Variants in SPRED1 observed in about 807,000 individuals in gnomAD.
SPRED1 encodes the protein sprouty related EVH1 domain containing 1, also known as sprouty-related, EVH1 domain-containing protein 1.
In SPRED1, 18 loss-of-function variants were observed where a neutral mutation model predicts 52.3. That is an observed-to-expected ratio of 0.34 (90% CI 0.24 to 0.51). The LOEUF (loss-of-function observed/expected upper bound fraction) is 0.51. SPRED1 is among the 20% of genes least tolerant of loss of function. The pLI is 0.97. For missense variants in SPRED1, 485 were observed against 551.0 expected, an observed-to-expected ratio of 0.88 and a Z score of 1.20; for synonymous variants, 155 against 179.7, an observed-to-expected ratio of 0.86 and a Z score of 1.10.
At chr15:38,339,918 C>A in intron 5 of SPRED1, 23 bp downstream of exon 5, 1 of 1,613,298 alleles carries the variant, frequency 6.2e-7, no homozygotes, top group Non-Finnish European at 8.5e-7. Flanking sequence ...AATATTTTTT[C>A]GGCGCGTTGT....
rs533114849 is a variant in SPRED1 at position 38,351,730 on chromosome 15, G to A, written c.*66G>A. On this transcript the variant is annotated 3_prime_UTR_variant, in exon 7 of 7. Transcript: ENST00000299084. The stretch of plus-strand genomic sequence containing the variant: ...AGGAATTAGCTAACTTGGATTTGTG[G>A]AAGCTTTTGGCAAGCAATATGGAAT... The A allele has an allele frequency of 6.3e-7, 1 of 1,577,632 alleles. No individual in the cohort carries two copies. Among genetic ancestry groups the A allele is most frequent in the African/African-American group, 1.3e-5 (1 of 74,538 alleles).
chr15:38,326,554 A>T (rs185496461), intron 4 of SPRED1, among the ~76,000 whole-genome samples: 2 of 152,284 alleles, frequency 1.3e-5, no homozygotes, highest in Non-Finnish European at 2.9e-5. Context: ...CCTCAGAGAA[A>T]CTTTCGATTG....
chr15:38,290,370 C>T (rs963808325), intron 1 of SPRED1, among the ~76,000 whole-genome samples: 1 of 152,164 alleles, frequency 6.6e-6, no homozygotes, highest in Non-Finnish European at 1.5e-5. Flanking sequence ...ATGATACTGT[C>T]TAGCAGAACC....
chr15:38,320,542 G>A (rs576454183), intron 2 of SPRED1, among the ~76,000 whole-genome samples: 1 of 151,994 alleles, frequency 6.6e-6, no homozygotes, highest in Admixed American at 6.6e-5. Context: ...ATTACTATTA[G>A]TAATTCACTA....
intron 1 of SPRED1, among the ~76,000 whole-genome samples, chr15:38,281,303 T>A (rs954314763): frequency 2.0e-5 from 3 of 152,208 alleles, no homozygotes; most frequent in Non-Finnish European, 2.9e-5. Flanking sequence ...AAAAGATTGA[T>A]CATCCATGCA....
At chr15:38,341,802 T>C (rs1896035841) in intron 5 of SPRED1, among the ~76,000 whole-genome samples, 1 of 152,130 alleles carries the variant, frequency 6.6e-6, no homozygotes, top group African/African-American at 2.4e-5. Flanking sequence ...TAAAAAAGAA[T>C]GCACATTTTT....
chr15:38,349,574 T>TG, intron 6 of SPRED1, 51 bp downstream of exon 6: 1 of 1,076,492 alleles, frequency 9.3e-7, no homozygotes, highest in Non-Finnish European at 1.3e-6. Context: ...AATTAATAGA[T>TG]AGGTAAAGTT....
At chr15:38,347,461 C>CTTTT (rs3075337) in intron 5 of SPRED1, among the ~76,000 whole-genome samples, 25 of 93,208 alleles carry the variant, frequency 2.7e-4, no homozygotes, top group African/African-American at 9.7e-4. Context: ...CCGCTTGGAT[C>CTTTT]TTTTTTTTTT....
Position 38,339,866 on chromosome 15 carries a change from A to G in SPRED1, c.553A>G (p.Arg185Gly), listed in dbSNP as rs921335586. 6.2e-7 allele frequency: 1 copy of G among 1,613,846 alleles called. No individual in the cohort carries two copies. The highest frequency in any genetic ancestry group is 1.3e-5 in the African/African-American group (1 of 74,934). The change falls in exon 5 of 7, where the codon AGA becomes GGA. Residue 185 changes from arginine (R) to glycine (G), a missense_variant. Coordinates refer to ENST00000299084, the MANE Select transcript of SPRED1 (RefSeq NM_152594.3). ...TCCCTTTGAAGATCTGAATGCCAGAAGAGTCTACATGCAAAGCCAAGCCAA... is the reference window on the plus strand; with the variant it reads ...TCCCTTTGAAGATCTGAATGCCAGAGGAGTCTACATGCAAAGCCAAGCCAA... ...PSPFEDLNAR[R>G]VYMQSQANQI...
intron 4 of SPRED1, among the ~76,000 whole-genome samples, chr15:38,325,518 C>G (rs558886029): frequency 6.6e-6 from 1 of 151,632 alleles, no homozygotes; most frequent in Non-Finnish European, 1.5e-5. Context: ...TGGGCAGGCA[C>G]GCTGAAAATT....
chr15:38,299,507 C>T lies in SPRED1; in HGVS notation c.167C>T (p.Ala56Val). Residue 56 changes from alanine (A) to valine (V), a missense_variant, in exon 2 of 7, where the codon GCT (alanine) becomes GTT (valine). By Grantham distance (64) the Ala-to-Val change is moderately conservative. Around this residue, in one of 5 missense-constraint regions of SPRED1, gnomAD observed 232 missense variants for 231.8 expected, o/e 1.00. Transcript: ENST00000299084. ...KVPHQEENGC[A>V]DFFIRGERLR... is the part of the protein sequence containing the mutation. ...CCTCATCAGGAAGAGAATGGCTGTGCTGACTTTTTTATCCGTGGAGAGCGA... is the reference window on the plus strand; with the variant it reads ...CCTCATCAGGAAGAGAATGGCTGTGTTGACTTTTTTATCCGTGGAGAGCGA... 6.2e-7 allele frequency: 1 copy of T among 1,613,968 alleles called. No individual in the cohort carries two copies. Among genetic ancestry groups the T allele is most frequent in the Non-Finnish European group, 8.5e-7 (1 of 1,179,930 alleles).
chr15:38,339,637 TA>T, intron 4 of SPRED1, 99 bp from the exon 5 acceptor site: 2 of 1,243,968 alleles, frequency 1.6e-6, no homozygotes, highest in East Asian at 2.3e-5. Context: ...GATATATACT[TA>T]TTGACTTGCT....
chr15:38,253,886 T>G (rs577223099), intron 1 of SPRED1, among the ~76,000 whole-genome samples: 120 of 152,320 alleles, frequency 7.9e-4, no homozygotes, highest in Admixed American at 2.4e-3. Flanking sequence ...GAATGCTAAT[T>G]TTTACCTTTC....
chr15:38,334,325 G>A (rs1162537132), intron 4 of SPRED1, among the ~76,000 whole-genome samples: 1 of 152,000 alleles, frequency 6.6e-6, no homozygotes, highest in Admixed American at 6.6e-5. Context: ...GGTAGAGGTG[G>A]GGGGTGCTAA....
intron 2 of SPRED1, among the ~76,000 whole-genome samples, chr15:38,313,248 C>T (rs2140988352): frequency 6.6e-6 from 1 of 152,026 alleles, no homozygotes; most frequent in Admixed American, 6.6e-5. Context: ...GTTCTTATGA[C>T]AATTTTGTTT....
At chr15:38,285,217 T>C (rs926453496) in intron 1 of SPRED1, among the ~76,000 whole-genome samples, 4 of 152,166 alleles carry the variant, frequency 2.6e-5, no homozygotes, top group African/African-American at 9.7e-5. Flanking sequence ...ATATTTTCAG[T>C]GCGTATTTTG....
At chr15:38,323,974 T>G (rs374870754) in intron 3 of SPRED1, among the ~76,000 whole-genome samples, 10 of 152,202 alleles carry the variant, frequency 6.6e-5, no homozygotes, top group African/African-American at 2.4e-4. Context: ...CAGTACTTAG[T>G]CTGCCTTGTT....
At chr15:38,319,448 C>T (rs950925143) in intron 2 of SPRED1, among the ~76,000 whole-genome samples, 3 of 152,266 alleles carry the variant, frequency 2.0e-5, no homozygotes, top group Admixed American at 6.5e-5. Flanking sequence ...GGCATGATCT[C>T]GGCTCACTGC....
At chr15:38,286,001 T>C (rs1434997838) in intron 1 of SPRED1, among the ~76,000 whole-genome samples, 1 of 152,118 alleles carries the variant, frequency 6.6e-6, no homozygotes, top group Non-Finnish European at 1.5e-5. Flanking sequence ...CCCAGCACTT[T>C]GGGAGGCCAA....
Sources: gnomAD v4.1 joint callset for allele counts (sites outside exome capture counted in the v4.1 genomes callset) on GRCh38, gnomAD v4.1.1 for gene constraint, gnomAD v4.1.1 regional missense constraint, MANE v1.5 for transcripts, NCBI Gene and HGNC (gene_info 2026-07-23, HGNC 2026-07-21) for gene names.